The following XXYLT1 variants were observed in gnomAD, a reference collection of about 807,000 sequenced individuals.
The protein encoded by XXYLT1 is UDP-xylose:alpha-xyloside alpha-1,3-xylosyltransferase.
A neutral mutation model predicts 28.9 loss-of-function variants in XXYLT1; 20 were observed. The ratio of observed to expected loss-of-function variants is 0.69; its 90% CI spans 0.49 to 1.00. XXYLT1 has a LOEUF of 1.00. Ranked by LOEUF, XXYLT1 falls within the 50% of genes least tolerant of loss-of-function variation. The pLI is 0.00. For missense variants in XXYLT1, 542 were observed against 560.1 expected (o/e 0.97, Z 0.33); for synonymous variants, 257 against 253.8 (o/e 1.01, Z -0.12).
At chr3:195,114,804 A>T (rs960914567) in intron 3 of XXYLT1, among the ~76,000 whole-genome samples, 4 of 152,256 alleles carry the variant, frequency 2.6e-5, no homozygotes, top group Non-Finnish European at 4.4e-5. Flanking sequence ...TGGAGCACGC[A>T]GGAAGGTAGC....
chr3:195,129,981 C>T lies in XXYLT1; in HGVS notation c.785+26468G>A, dbSNP rs1718822971. ...ACTCCTCACCAGCACCTGTTATTGTCCTGCCTTTCTTTTTTTATTATAGCT... is the reference window on the plus strand; with the variant it reads ...ACTCCTCACCAGCACCTGTTATTGTTCTGCCTTTCTTTTTTTATTATAGCT... On this transcript the variant is annotated intron_variant, in intron 3 of 3. Transcript: ENST00000310380. The surrounding 1 kb of genome is among the most constrained non-coding windows in gnomAD (Gnocchi z 4.4). Among the ~76,000 whole-genome samples the T allele has an allele frequency of 1.3e-5, 2 of 152,164 alleles. No individual in the cohort carries two copies. Among genetic ancestry groups the T allele is most frequent in the African/African-American group, 4.8e-5 (2 of 41,444 alleles).
In XXYLT1 at chr3:195,077,284, C is replaced by G. The variant is rs60994526; in HGVS notation, c.786-7173G>C. Among the ~76,000 whole-genome samples the G allele has an allele frequency of 0.044, 6,705 of 152,244 alleles. 226 individuals are homozygous for G. Among genetic ancestry groups the G allele is most frequent in the East Asian group, 0.18 (954 of 5,170 alleles). On this transcript the variant is annotated intron_variant, in intron 3 of 3. Transcript: ENST00000310380. The surrounding 1 kb of genome is among the most constrained non-coding windows in gnomAD (Gnocchi z 4.8). ...GCAGAGAGATGTCCAAAAGCTCCCC[C>G]TTGCAACATCTCCTGCAATCTCAAC...
At chr3:195,211,567 G>A (rs1723313214) in intron 2 of XXYLT1, among the ~76,000 whole-genome samples, 1 of 152,230 alleles carries the variant, frequency 6.6e-6, no homozygotes, top group African/African-American at 2.4e-5. Context: ...GAACACAGCA[G>A]TGAATGAAAC....
intron 3 of XXYLT1, among the ~76,000 whole-genome samples, chr3:195,102,357 T>C (rs1716838778): frequency 6.6e-6 from 1 of 152,142 alleles, no homozygotes; most frequent in African/African-American, 2.4e-5. Flanking sequence ...AGCCCTCATG[T>C]CACACATGAA....
At chr3:195,211,392 CAAA>C (rs1723305892) in intron 2 of XXYLT1, among the ~76,000 whole-genome samples, 1 of 152,048 alleles carries the variant, frequency 6.6e-6, no homozygotes, top group Non-Finnish European at 1.5e-5. Context: ...GACTCCATCT[CAAA>C]AGAAGAAAAA....
chr3:195,147,163 C>G lies in XXYLT1; in HGVS notation c.785+9286G>C, dbSNP rs138500132. ...CATTTGCGTTTTCATTAAGTTTTAT[C>G]TACCCTATCTCCCTCACGTTATATC... On this transcript the variant is annotated intron_variant, in intron 3 of 3. Transcript: ENST00000310380. Among the ~76,000 whole-genome samples the G allele has an allele frequency of 8.5e-5, 13 of 152,314 alleles. No homozygotes were observed. In the East Asian group the frequency reaches 2.5e-3, roughly 29 times the overall value.
intron 3 of XXYLT1, among the ~76,000 whole-genome samples, chr3:195,149,815 A>C (rs552009197): frequency 6.6e-6 from 1 of 152,364 alleles, no homozygotes; most frequent in East Asian, 1.9e-4. Flanking sequence ...CTGTATAGAT[A>C]AGACACTATT....
At position 195,097,695 on chromosome 3, in the gene XXYLT1, G is replaced by C. The variant is rs114744880; in HGVS notation, c.786-27584C>G. 5.4e-3 allele frequency among the ~76,000 whole-genome samples: 818 copies of C among 152,264 alleles called. 16 individuals are homozygous for C. Among genetic ancestry groups the C allele is most frequent in the African/African-American group, 0.019 (786 of 41,542 alleles). On this transcript the variant is annotated intron_variant, in intron 3 of 3. Transcript: ENST00000310380. ...TCGGCTGCCTCTCAGTGCATGGCGA[G>C]CACCCTGTGAACAGTCGCCAAGATA...
intron 2 of XXYLT1, among the ~76,000 whole-genome samples, chr3:195,224,365 C>A (rs1723958463): frequency 6.6e-6 from 1 of 152,172 alleles, no homozygotes; most frequent in Admixed American, 6.5e-5. Context: ...CTAGCCAGAG[C>A]CTTTTCTCTG....
At chr3:195,140,707 C>T (rs536679225) in intron 3 of XXYLT1, among the ~76,000 whole-genome samples, 3 of 152,276 alleles carry the variant, frequency 2.0e-5, no homozygotes, top group Admixed American at 2.0e-4. Context: ...AAGCACTACA[C>T]ACTTTTAAAC....
In XXYLT1 at chr3:195,085,635, C is replaced by T. The variant is rs1265355232; in HGVS notation, c.786-15524G>A. Among the ~76,000 whole-genome samples, 5 of 151,172 alleles carry T rather than the reference C, an allele frequency of 3.3e-5. No individual in the cohort carries two copies. In the East Asian group the frequency reaches 9.7e-4, roughly 29 times the overall value. On this transcript the variant is annotated intron_variant, in intron 3 of 3. Coordinates refer to ENST00000310380, the MANE Select transcript of XXYLT1 (RefSeq NM_152531.5). The stretch of plus-strand genomic sequence containing the variant: ...TCCTGCGGGCCGCGGTGGGCAGCCG[C>T]GAGCCACAACCGTGTCTGGTGACAA...
In XXYLT1 at chr3:195,175,565, A is replaced by G. The variant is rs112248413; in HGVS notation, c.653-18984T>C. On this transcript the variant is annotated intron_variant, in intron 2 of 3. Coordinates refer to ENST00000310380, the MANE Select transcript of XXYLT1 (RefSeq NM_152531.5). ...AGATTCCTAGGGGTAGTTAGGACAC[A>G]GGTCTGGGTGTTTCAGAAGCAGGTC... is the stretch of plus-strand genomic sequence containing the variant. 5,474 of 1,534,230 alleles carry G rather than the reference A, an allele frequency of 3.6e-3. 163 individuals carry two copies. The African/African-American group carries it at 0.064, about 18-fold the overall frequency.
chr3:195,252,867 CAG>C (rs1725325264), intron 1 of XXYLT1, among the ~76,000 whole-genome samples: 1 of 152,082 alleles, frequency 6.6e-6, no homozygotes, highest in African/African-American at 2.4e-5. Context: ...AAGCTGGAGA[CAG>C]GGCAGGGGCG....
At chr3:195,153,263 G>C (rs1272368020) in intron 3 of XXYLT1, among the ~76,000 whole-genome samples, 4 of 152,154 alleles carry the variant, frequency 2.6e-5, no homozygotes, top group African/African-American at 7.2e-5. Flanking sequence ...GTCTTCTTGT[G>C]AAAGAAGGCA....
At chr3:195,196,497 C>A (rs1169592451) in intron 2 of XXYLT1, among the ~76,000 whole-genome samples, 1 of 152,238 alleles carries the variant, frequency 6.6e-6, no homozygotes, top group Non-Finnish European at 1.5e-5. Context: ...CAGAGCTGAG[C>A]ACTGCTCCTG....
intron 3 of XXYLT1, among the ~76,000 whole-genome samples, chr3:195,102,017 CAG>C (rs1359668547): frequency 2.2e-5 from 2 of 90,938 alleles, no homozygotes; most frequent in African/African-American, 4.7e-5. Flanking sequence ...AGTAAAGAAA[CAG>C]AAAAAAAGGA....
chr3:195,107,081 T>G (rs1444535573), intron 3 of XXYLT1, among the ~76,000 whole-genome samples: 1 of 152,108 alleles, frequency 6.6e-6, no homozygotes, highest in African/African-American at 2.4e-5. Flanking sequence ...CTTTGCCTGG[T>G]GGAATGGAGA....
Position 195,110,655 on chromosome 3 carries a change from GTGTGT to G in XXYLT1, c.786-40549_786-40545del, listed in dbSNP as rs1358178699. On this transcript the variant is annotated intron_variant, in intron 3 of 3. Coordinates refer to ENST00000310380, the MANE Select transcript of XXYLT1 (RefSeq NM_152531.5). ...GGTGTGTGATGTATAAGTGTGTGTG[GTGTGT>G]TGTGTGTGGTGTATGTGTGTGTGTG... 7.2e-5 allele frequency among the ~76,000 whole-genome samples: 7 copies of G among 96,962 alleles called. 2 individuals carry two copies. The highest frequency in any genetic ancestry group is 1.6e-4 in the Non-Finnish European group (7 of 44,024). 63.6% of individuals were successfully genotyped at this position (96,962 alleles called of 152,430 possible). A position where few individuals can be genotyped will look rare whatever the true frequency, so the allele number is the denominator to read the frequency against.
At chr3:195,098,499 G>A (rs1360974299) in intron 3 of XXYLT1, among the ~76,000 whole-genome samples, 1 of 152,250 alleles carries the variant, frequency 6.6e-6, no homozygotes, top group Non-Finnish European at 1.5e-5. Flanking sequence ...CTTGCAGTGA[G>A]CGGAGATCGT....
Sources: gnomAD v4.1 joint callset for allele counts (sites outside exome capture counted in the v4.1 genomes callset) on GRCh38, gnomAD v4.1.1 for gene constraint, Gnocchi (gnomAD v3.1) non-coding constraint, MANE v1.5 for transcripts, NCBI Gene and HGNC (gene_info 2026-07-23, HGNC 2026-07-21) for gene names.